Variants in MORC2 observed in about 807,000 individuals in gnomAD.
MORC2 encodes the protein MORC family CW-type zinc finger 2, also known as ATPase MORC2.
In MORC2, 30 loss-of-function variants were observed where a neutral mutation model predicts 136.0. The observed-to-expected ratio is 0.22, with a 90% CI of 0.17 to 0.30. The LOEUF (loss-of-function observed/expected upper bound fraction) is 0.30. Among genes scored for constraint, MORC2 ranks in the 10% least tolerant of loss-of-function variants. MORC2 has a pLI of 1.00. For synonymous variants in MORC2, 439 were observed against 487.0 expected, an observed-to-expected ratio of 0.90 and a Z score of 1.30; for missense variants, 922 against 1,333.1, an observed-to-expected ratio of 0.69 and a Z score of 4.80.
intron 1 of MORC2, among the ~76,000 whole-genome samples, chr22:30,964,350 C>G (rs780774486): frequency 6.6e-6 from 1 of 151,918 alleles, no homozygotes; most frequent in Non-Finnish European, 1.5e-5. Flanking sequence ...GAGCAAGACT[C>G]CATCCAAAAA....
At chr22:30,961,933 C>T (rs930808656) in intron 1 of MORC2, among the ~76,000 whole-genome samples, 4 of 152,064 alleles carry the variant, frequency 2.6e-5, no homozygotes, top group Non-Finnish European at 4.4e-5. Flanking sequence ...TGGTGCCTCA[C>T]GCCTATAAAC....
intron 24 of MORC2, among the ~76,000 whole-genome samples, chr22:30,931,795 A>G (rs2040579473): frequency 6.6e-6 from 1 of 152,126 alleles, no homozygotes; most frequent in Non-Finnish European, 1.5e-5. Context: ...CCCGGTAACA[A>G]CTCAGTCTCT....
chr22:30,937,035 A>T lies in MORC2; in HGVS notation c.1501T>A (p.Leu501Met). The part of the protein sequence containing the change: ...MEIPTTIQCD[L>M]CLKWRTLPFQ... Reference sequence around the variant, plus strand: ...GGGAGGGTTCTCCATTTCAGACACAAATCTGCAGAGAGCAAAAAAACCCCA... The same window carrying T: ...GGGAGGGTTCTCCATTTCAGACACATATCTGCAGAGAGCAAAAAAACCCCA... The change falls in exon 16 of 26, where the codon TTG (leucine) becomes ATG (methionine). Residue 501 changes from leucine to methionine, a missense_variant and splice_region_variant. This residue lies in a region of MORC2 where 119 missense variants were observed against 202.7 expected (regional missense o/e 0.59). Transcript: ENST00000397641. This position sits in a 1 kb window ranked among gnomAD's most constrained non-coding sequence, Gnocchi z 4.7. 6.2e-7 allele frequency: 1 copy of T among 1,612,212 alleles called. No homozygotes were observed. Among genetic ancestry groups the T allele is most frequent in the Non-Finnish European group, 8.5e-7 (1 of 1,178,350 alleles).
In MORC2 at chr22:30,967,995, G is replaced by A; in HGVS notation, c.-106C>T. 1 of 986,634 alleles carries A rather than the reference G, an allele frequency of 1.0e-6. No individual in the cohort carries two copies. The highest frequency in any genetic ancestry group is 1.6e-6 in the Non-Finnish European group (1 of 641,578). The allele number at this position is 986,634 out of a possible 1,614,324, so 61.1% of individuals were successfully genotyped here. A position where few individuals can be genotyped will look rare whatever the true frequency, so the allele number is the denominator to read the frequency against. ...TCCAGTAAAGCTTCAGTAAGTCTGT[G>A]CTCCTTAATGACAGTTAAAGTAACC... On this transcript the variant is annotated 5_prime_UTR_variant, in exon 1 of 26. Transcript: ENST00000397641.
chr22:30,957,562 T>C (rs1489061438), intron 2 of MORC2, among the ~76,000 whole-genome samples: 1 of 152,194 alleles, frequency 6.6e-6, no homozygotes, highest in Non-Finnish European at 1.5e-5. Flanking sequence ...ACTGGCAAAA[T>C]GTATACACAA....
chr22:30,957,995 A>G (rs912374214), intron 2 of MORC2, among the ~76,000 whole-genome samples: 11 of 152,210 alleles, frequency 7.2e-5, no homozygotes, highest in African/African-American at 2.7e-4. Context: ...GCATTCAGGA[A>G]TAAGACTAAG....
Position 30,932,842 on chromosome 22 carries a change from G to A in MORC2, c.2522+47C>T, listed in dbSNP as rs757399034. The A allele has an allele frequency of 1.2e-6, 2 of 1,613,674 alleles. No individual in the cohort carries two copies. Among genetic ancestry groups the A allele is most frequent in the South Asian group, 2.2e-5 (2 of 91,070 alleles). ...ATGGGCTGCTGGCAGGGAGGCCGGG[G>A]ATACCTCCTTCGAGGAACCACTGCT... is the stretch of plus-strand genomic sequence containing the variant. On this transcript the variant is annotated intron_variant, in intron 22 of 25. Coordinates refer to ENST00000397641, the MANE Select transcript of MORC2 (RefSeq NM_001303256.3). This position sits in a 1 kb window ranked among gnomAD's most constrained non-coding sequence, Gnocchi z 4.4.
chr22:30,934,308 G>A lies in MORC2; in HGVS notation c.2194-117C>T, dbSNP rs1206734245. The A allele has an allele frequency of 7.1e-7, 1 of 1,414,158 alleles. No homozygotes were observed. Among genetic ancestry groups the A allele is most frequent in the Non-Finnish European group, 9.5e-7 (1 of 1,047,656 alleles). 87.6% of individuals were successfully genotyped at this position (1,414,158 alleles called of 1,614,324 possible). On this transcript the variant is annotated intron_variant, in intron 19 of 25. Coordinates refer to ENST00000397641, the MANE Select transcript of MORC2 (RefSeq NM_001303256.3). This position sits in a 1 kb window ranked among gnomAD's most constrained non-coding sequence, Gnocchi z 4.4. Reference sequence around the variant, plus strand: ...AGGAGCTGTACTCCCTGCAATCCCTGCCTGACATTACTTGGAATGTACACA... The same window carrying A: ...AGGAGCTGTACTCCCTGCAATCCCTACCTGACATTACTTGGAATGTACACA...
Position 30,968,105 on chromosome 22 carries a change from A to C in MORC2, c.-216T>G. ...TTTTTAATCTTCTCAATGATTTATG[A>C]TGTAATATTTTGGAAGGAACTATGT... On this transcript the variant is annotated 5_prime_UTR_variant, in exon 1 of 26. Coordinates refer to ENST00000397641, the MANE Select transcript of MORC2 (RefSeq NM_001303256.3). 3.7e-6 allele frequency: 2 copies of C among 534,638 alleles called. No individual in the cohort carries two copies. The highest frequency in any genetic ancestry group is 6.7e-6 in the Non-Finnish European group (2 of 299,716). The allele number at this position is 534,638 out of a possible 1,614,324, so 33.1% of individuals were successfully genotyped here.
At chr22:30,938,293 TG>T in intron 12 of MORC2, 88 bp from the exon 13 acceptor site, 1 of 1,497,686 alleles carries the variant, frequency 6.7e-7, no homozygotes, top group Non-Finnish European at 9.0e-7. Flanking sequence ...AGCTTAAACT[TG>T]AAACATGTTA....
intron 3 of MORC2, among the ~76,000 whole-genome samples, chr22:30,952,376 G>C (rs2040901865): frequency 6.6e-6 from 1 of 152,206 alleles, no homozygotes; most frequent in South Asian, 2.1e-4. Context: ...GCATTCTTTG[G>C]ACACTGCCTA....
intron 12 of MORC2, among the ~76,000 whole-genome samples, chr22:30,938,575 A>T (rs2147258410): frequency 6.6e-6 from 1 of 152,284 alleles, no homozygotes; most frequent in South Asian, 2.1e-4. Context: ...GTAAATTATT[A>T]TAATTTTTTT....
In MORC2 at chr22:30,939,670, G is replaced by A. The variant is rs1279176058; in HGVS notation, c.1024C>T (p.Leu342=). Residue 342 remains leucine, a synonymous_variant, in exon 12 of 26, where the codon CTG becomes TTG. Transcript: ENST00000397641. ...LRQVQNRAIT[L]RREADVKKRI... ...TTCTTGACATCGGCTTCTCTGCGCA[G>A]AGTGATGGCTCTGTTCTGGACCTGT... The A allele has an allele frequency of 2.5e-6, 4 of 1,614,136 alleles. No individual in the cohort carries two copies. In the South Asian group the frequency reaches 4.4e-5, roughly 18 times the overall value.
In MORC2 at chr22:30,934,195, G is replaced by C. The variant is rs756087774; in HGVS notation, c.2194-4C>G. On this transcript the variant is annotated splice_polypyrimidine_tract_variant and splice_region_variant and intron_variant, in intron 19 of 25. Transcript: ENST00000397641. This position sits in a 1 kb window ranked among gnomAD's most constrained non-coding sequence, Gnocchi z 4.4. ...TCCGCTTCCGACTAGGGGTAGCCTA[G>C]AGCAAGAGGAGCGTGAGGATGTGAG... 3 of 1,614,090 alleles carry C rather than the reference G, an allele frequency of 1.9e-6. No homozygotes were observed. Among genetic ancestry groups the C allele is most frequent in the Non-Finnish European group, 2.5e-6 (3 of 1,180,000 alleles).
At chr22:30,954,291 G>A (rs879685722) in intron 3 of MORC2, among the ~76,000 whole-genome samples, 10 of 152,060 alleles carry the variant, frequency 6.6e-5, no homozygotes, top group East Asian at 1.9e-4. Context: ...AAGATTCCAC[G>A]GACTGATTTC....
rs2040743739 is a variant in MORC2 at position 30,941,659 on chromosome 22, G to A, written c.699-101C>T. 3.4e-5 allele frequency: 50 copies of A among 1,475,480 alleles called. 2 individuals carry two copies. The South Asian group carries it at 6.3e-4, about 19-fold the overall frequency. 91.4% of individuals were successfully genotyped at this position (1,475,480 alleles called of 1,614,324 possible). A position where few individuals can be genotyped will look rare whatever the true frequency, so the allele number is the denominator to read the frequency against. On this transcript the variant is annotated intron_variant, in intron 8 of 25. Coordinates refer to ENST00000397641, the MANE Select transcript of MORC2 (RefSeq NM_001303256.3). This position sits in a 1 kb window ranked among gnomAD's most constrained non-coding sequence, Gnocchi z 4.6. ...GCAGGCTCTCCACCTTTCCATGTTA[G>A]GTACTGACTTCTGCTGCTGCCCTGA...
At chr22:30,961,811 C>T (rs910451404) in intron 1 of MORC2, among the ~76,000 whole-genome samples, 8 of 152,140 alleles carry the variant, frequency 5.3e-5, no homozygotes, top group Admixed American at 1.3e-4. Context: ...CTTAGCAATA[C>T]ATATTTTCCG....
chr22:30,961,876 G>A (rs906640401), intron 1 of MORC2, among the ~76,000 whole-genome samples: 3 of 152,116 alleles, frequency 2.0e-5, no homozygotes, highest in Non-Finnish European at 4.4e-5. Context: ...TCTCCAAAGG[G>A]CAAGCACAAA....
chr22:30,940,749 T>C lies in MORC2; in HGVS notation c.904+9A>G, dbSNP rs1358133420. 6.2e-7 allele frequency: 1 copy of C among 1,613,292 alleles called. No individual in the cohort carries two copies. On this transcript the variant is annotated intron_variant, in intron 10 of 25. Coordinates refer to ENST00000397641, the MANE Select transcript of MORC2 (RefSeq NM_001303256.3). ...ACCCCCCCAACTCCTGCACCCAGAG[T>C]GGCATTACCAATCCTTGCTACGTGC...
Sources: allele counts gnomAD v4.1 joint callset (sites outside exome capture counted in the v4.1 genomes callset), GRCh38; gene constraint gnomAD v4.1.1; regional missense constraint gnomAD v4.1.1; non-coding constraint Gnocchi (gnomAD v3.1); transcripts MANE v1.5; gene names NCBI Gene and HGNC (gene_info 2026-07-23, HGNC 2026-07-21).